PPM1D: variants seen among roughly 807,000 people sequenced by gnomAD.
PPM1D encodes the protein protein phosphatase, Mg2+/Mn2+ dependent 1D.
Under a neutral mutation model 58.3 loss-of-function variants are expected in PPM1D, and 52 were observed. That is an observed-to-expected ratio of 0.89 (90% CI 0.71 to 1.12). The LOEUF (loss-of-function observed/expected upper bound fraction) is 1.12, where lower values mean the gene tolerates loss of function less well. Ranked by LOEUF, PPM1D falls within the 50% of genes most tolerant of loss-of-function variation. The pLI is 0.00. For synonymous variants in PPM1D, 278 were observed against 285.1 expected (o/e 0.98, Z 0.25); for missense variants, 564 against 777.2 (o/e 0.73, Z 3.26).
chr17:60,648,429 G>T (rs2031286816), intron 4 of PPM1D, among the ~76,000 whole-genome samples: 1 of 147,210 alleles, frequency 6.8e-6, no homozygotes. Flanking sequence ...CTGTCACCCA[G>T]GCTGGAGTGC....
At chr17:60,656,947 C>A in intron 5 of PPM1D, 106 bp downstream of exon 5, 1 of 1,595,622 alleles carries the variant, frequency 6.3e-7, no homozygotes, top group Non-Finnish European at 8.5e-7. Context: ...TGGATTTGAA[C>A]TCGATTCAAG....
Position 60,600,278 on chromosome 17 carries a change from C to A in PPM1D, c.-137C>A, listed in dbSNP as rs971314883. The A allele has an allele frequency of 1.5e-5, 21 of 1,429,458 alleles. No individual in the cohort carries two copies. The highest frequency in any genetic ancestry group is 1.0e-4 in the East Asian group (4 of 38,624). The allele number at this position is 1,429,458 out of a possible 1,614,324, so 88.5% of individuals were successfully genotyped here. Reference sequence around the variant, plus strand: ...ACAAGTCCAGACATCGCGCGCCCCCCCTTCTCCGGGTCCGCCCCCTCCCCC... The same window carrying A: ...ACAAGTCCAGACATCGCGCGCCCCCACTTCTCCGGGTCCGCCCCCTCCCCC... On this transcript the variant is annotated 5_prime_UTR_variant, in exon 1 of 6. Transcript: ENST00000305921.
At chr17:60,630,073 C>T (rs535918840) in intron 2 of PPM1D, among the ~76,000 whole-genome samples, 41 of 152,014 alleles carry the variant, frequency 2.7e-4, no homozygotes, top group African/African-American at 8.4e-4. Context: ...CAGCTGGCTG[C>T]GGCACTTGTA....
intron 1 of PPM1D, among the ~76,000 whole-genome samples, chr17:60,615,527 C>T (rs535051980): frequency 2.0e-5 from 3 of 151,282 alleles, no homozygotes; most frequent in African/African-American, 4.9e-5. Flanking sequence ...GAAATAAATA[C>T]TATAGTTAAG....
chr17:60,615,715 A>C (rs966646573), intron 1 of PPM1D, among the ~76,000 whole-genome samples: 3 of 133,612 alleles, frequency 2.2e-5, no homozygotes, highest in Admixed American at 1.6e-4. Flanking sequence ...GGGTCTTACT[A>C]TGTTGCACAG....
intron 5 of PPM1D, among the ~76,000 whole-genome samples, chr17:60,658,052 AG>A (rs1422076218): frequency 2.0e-5 from 3 of 152,218 alleles, no homozygotes; most frequent in African/African-American, 7.2e-5. Context: ...CATTCACAAA[AG>A]GTTTCTTTTC....
In PPM1D at chr17:60,617,296, G is replaced by A. The variant is rs533674869; in HGVS notation, c.473-6225G>A. Among the ~76,000 whole-genome samples, 40 of 151,832 alleles carry A rather than the reference G, an allele frequency of 2.6e-4. No individual in the cohort carries two copies. The South Asian group carries it at 8.1e-3, about 31-fold the overall frequency. ...TGAATGTGCTGTAGAACTTCTGAGA[G>A]TTCGCCTCATTTATTCATTCACATT... is the stretch of plus-strand genomic sequence containing the variant. On this transcript the variant is annotated intron_variant, in intron 1 of 5. Coordinates refer to ENST00000305921, the MANE Select transcript of PPM1D (RefSeq NM_003620.4).
intron 1 of PPM1D, among the ~76,000 whole-genome samples, chr17:60,615,617 T>C (rs1355817870): frequency 6.6e-6 from 1 of 152,072 alleles, no homozygotes; most frequent in Non-Finnish European, 1.5e-5. Context: ...GGTTTTTTAA[T>C]TTTGCAAGTT....
intron 1 of PPM1D, among the ~76,000 whole-genome samples, chr17:60,620,488 C>T (rs1204588564): frequency 6.6e-6 from 1 of 151,712 alleles, no homozygotes; most frequent in African/African-American, 2.4e-5. Context: ...TTGATGTAGC[C>T]CAACTGTTTT....
chr17:60,633,342 A>G (rs888165767), intron 2 of PPM1D, among the ~76,000 whole-genome samples: 7 of 152,204 alleles, frequency 4.6e-5, no homozygotes, highest in Admixed American at 4.6e-4. Context: ...GCCCGTCCTC[A>G]ACATAAACAC....
At chr17:60,613,345 C>G (rs954180380) in intron 1 of PPM1D, among the ~76,000 whole-genome samples, 6 of 152,228 alleles carry the variant, frequency 3.9e-5, no homozygotes, top group Non-Finnish European at 7.3e-5. Context: ...CTCCATACTA[C>G]TTTGGAATTG....
intron 3 of PPM1D, among the ~76,000 whole-genome samples, chr17:60,641,982 T>C (rs2031142392): frequency 6.6e-6 from 1 of 152,248 alleles, no homozygotes; most frequent in African/African-American, 2.4e-5. Context: ...GAATTGGCTG[T>C]CTGCCAGTTT....
chr17:60,629,933 G>A (rs1023589083), intron 2 of PPM1D, among the ~76,000 whole-genome samples: 11 of 152,058 alleles, frequency 7.2e-5, no homozygotes, highest in Non-Finnish European at 1.2e-4. Context: ...CCAGCTACTC[G>A]GGAGGCTGAG....
chr17:60,654,275 CTT>C (rs1358841557), intron 4 of PPM1D, among the ~76,000 whole-genome samples: 1 of 138,238 alleles, frequency 7.2e-6, no homozygotes. Context: ...AAATAATATG[CTT>C]TTTTTTTTTG....
chr17:60,637,305 C>T (rs1214892380), intron 3 of PPM1D, among the ~76,000 whole-genome samples: 1 of 151,742 alleles, frequency 6.6e-6, no homozygotes, highest in African/African-American at 2.4e-5. Context: ...GGGGTTTCAC[C>T]ATGTTGGTCA....
chr17:60,639,800 G>A lies in PPM1D; in HGVS notation c.826+5823G>A, dbSNP rs115607678. Among the ~76,000 whole-genome samples the A allele has an allele frequency of 2.1e-3, 317 of 152,286 alleles. 2 individuals carry two copies. Among genetic ancestry groups the A allele is most frequent in the African/African-American group, 7.5e-3 (310 of 41,554 alleles). On this transcript the variant is annotated intron_variant, in intron 3 of 5. Coordinates refer to ENST00000305921, the MANE Select transcript of PPM1D (RefSeq NM_003620.4). ...AATAAGGATATTTCACTTAACCAGA[G>A]AGGCCAGAAAAGTGATATTTGAACT...
At chr17:60,642,349 T>C (rs1406665258) in intron 3 of PPM1D, among the ~76,000 whole-genome samples, 1 of 144,456 alleles carries the variant, frequency 6.9e-6, no homozygotes. Flanking sequence ...GGTAGAAGAA[T>C]GGATTTTTTT....
Position 60,600,680 on chromosome 17 carries a change from G to C in PPM1D, c.266G>C (p.Ser89Thr). Residue 89 changes from serine (S) to threonine (T), a missense_variant, in exon 1 of 6, where the codon AGC becomes ACC. Ser to Thr is a moderately conservative substitution (Grantham distance 58, BLOSUM62 1). Around this residue, in one of 7 missense-constraint regions of PPM1D, gnomAD observed 132 missense variants for 150.4 expected, o/e 0.88. Coordinates refer to ENST00000305921, the MANE Select transcript of PPM1D (RefSeq NM_003620.4). ...LPDAGASPAPSRCCRRRSSVA... is the reference protein window; with the variant it reads ...LPDAGASPAPTRCCRRRSSVA... Reference sequence around the variant, plus strand: ...GACGCCGGGGCCTCGCCGGCACCTAGCCGCTGCTGCCGCCGCCGTTCCTCC... The same window carrying C: ...GACGCCGGGGCCTCGCCGGCACCTACCCGCTGCTGCCGCCGCCGTTCCTCC... The C allele has an allele frequency of 6.3e-7, 1 of 1,577,174 alleles. No homozygotes were observed. The highest frequency in any genetic ancestry group is 8.6e-7 in the Non-Finnish European group (1 of 1,164,100).
intron 3 of PPM1D, among the ~76,000 whole-genome samples, chr17:60,645,542 ATATG>A (rs1567974676): frequency 1.4e-5 from 2 of 139,112 alleles, no homozygotes; most frequent in East Asian, 4.0e-4. Flanking sequence ...ATGTGTATAT[ATATG>A]TATATATATG....
Sources: gnomAD v4.1 joint callset for allele counts (sites outside exome capture counted in the v4.1 genomes callset) on GRCh38, gnomAD v4.1.1 for gene constraint, gnomAD v4.1.1 regional missense constraint, MANE v1.5 for transcripts, NCBI Gene and HGNC (gene_info 2026-07-23, HGNC 2026-07-21) for gene names.